Variants in DPP10 observed in about 807,000 individuals in gnomAD.
DPP10 encodes the protein inactive dipeptidyl peptidase 10.
Under a neutral mutation model 120.9 loss-of-function variants are expected in DPP10, and 33 were observed. The observed-to-expected ratio is 0.27, with a 90% CI of 0.21 to 0.37. The LOEUF is 0.37. DPP10 is among the 10% of genes least tolerant of loss of function. The pLI, the probability that DPP10 is intolerant of heterozygous loss-of-function variation, is 1.00. For synonymous variants in DPP10, 337 were observed against 326.1 expected, an observed-to-expected ratio of 1.03 and a Z score of -0.36; for missense variants, 816 against 942.8, an observed-to-expected ratio of 0.87 and a Z score of 1.76.
At chr2:115,754,381 T>C (rs1679134648) in intron 11 of DPP10, among the ~76,000 whole-genome samples, 1 of 152,126 alleles carries the variant, frequency 6.6e-6, no homozygotes, top group Admixed American at 6.6e-5. Context: ...AAACAACTAC[T>C]AAAAATTTTT....
chr2:115,533,038 T>G (rs2078568371), intron 5 of DPP10, among the ~76,000 whole-genome samples: 1 of 152,026 alleles, frequency 6.6e-6, no homozygotes, highest in African/African-American at 2.4e-5. Flanking sequence ...TTTTTAAAAT[T>G]TTTAAACAAA....
At chr2:114,981,746 A>G (rs781433313) in intron 1 of DPP10, among the ~76,000 whole-genome samples, 1 of 151,072 alleles carries the variant, frequency 6.6e-6, no homozygotes, top group Non-Finnish European at 1.5e-5. Flanking sequence ...ATGCCCAGCT[A>G]GTTATTTTTG....
chr2:115,619,198 C>T (rs1023319283), intron 5 of DPP10, among the ~76,000 whole-genome samples: 1 of 149,232 alleles, frequency 6.7e-6, no homozygotes, highest in African/African-American at 2.5e-5. Context: ...CTGCCTCAGC[C>T]TCCCCAGTAG....
chr2:114,561,110 G>A (rs1038383928), intron 1 of DPP10, among the ~76,000 whole-genome samples: 1 of 152,076 alleles, frequency 6.6e-6, no homozygotes, highest in Non-Finnish European at 1.5e-5. Context: ...CGCTCCTTTA[G>A]TTTGGAATAT....
chr2:114,567,827 A>G (rs1300514696), intron 1 of DPP10, among the ~76,000 whole-genome samples: 1 of 152,124 alleles, frequency 6.6e-6, no homozygotes, highest in African/African-American at 2.4e-5. Flanking sequence ...TCACGGACAC[A>G]GGAACGGGAA....
intron 1 of DPP10, among the ~76,000 whole-genome samples, chr2:114,979,656 AC>A (rs1480784499): frequency 6.6e-6 from 1 of 152,088 alleles, no homozygotes; most frequent in Non-Finnish European, 1.5e-5. Flanking sequence ...AAAGCAAATC[AC>A]CAAGTGAGAT....
At chr2:115,302,853 C>T (rs1484829992) in intron 1 of DPP10, among the ~76,000 whole-genome samples, 2 of 151,996 alleles carry the variant, frequency 1.3e-5, no homozygotes, top group African/African-American at 4.8e-5. Flanking sequence ...GCATAGAGTC[C>T]TCTAATCATA....
At chr2:114,615,715 A>G (rs1420889019) in intron 1 of DPP10, among the ~76,000 whole-genome samples, 2 of 152,160 alleles carry the variant, frequency 1.3e-5, no homozygotes, top group African/African-American at 2.4e-5. Flanking sequence ...TTCCATCTGG[A>G]AAACAAAGAT....
At chr2:114,935,855 A>C (rs905246274) in intron 1 of DPP10, among the ~76,000 whole-genome samples, 1 of 145,400 alleles carries the variant, frequency 6.9e-6, no homozygotes, top group Non-Finnish European at 1.5e-5. Context: ...TAAACTAAAA[A>C]ACTGAAGGTT....
At chr2:115,641,011 C>A (rs1468389719) in intron 5 of DPP10, among the ~76,000 whole-genome samples, 1 of 152,036 alleles carries the variant, frequency 6.6e-6, no homozygotes, top group Non-Finnish European at 1.5e-5. Context: ...TGGAAAATAG[C>A]TTTGAAAATA....
chr2:115,071,680 A>T (rs1266393513), intron 1 of DPP10, among the ~76,000 whole-genome samples: 11 of 100,476 alleles, frequency 1.1e-4, no homozygotes, highest in South Asian at 2.5e-4. Context: ...ATATTTATTT[A>T]AAAAAAAAAA....
At chr2:115,241,064 T>A (rs1256463764) in intron 1 of DPP10, among the ~76,000 whole-genome samples, 1 of 151,952 alleles carries the variant, frequency 6.6e-6, no homozygotes, top group East Asian at 1.9e-4. Flanking sequence ...AGGTCAGGAG[T>A]TCGAGACCAG....
At chr2:115,517,672 A>G (rs1409363884) in intron 4 of DPP10, among the ~76,000 whole-genome samples, 2 of 152,208 alleles carry the variant, frequency 1.3e-5, no homozygotes, top group African/African-American at 4.8e-5. Flanking sequence ...ATTGGGAATT[A>G]AATTTGTAAT....
At chr2:115,502,770 G>A (rs1057472624) in intron 4 of DPP10, among the ~76,000 whole-genome samples, 1 of 152,096 alleles carries the variant, frequency 6.6e-6, no homozygotes, top group African/African-American at 2.4e-5. Context: ...ATAGCTCACT[G>A]CAGTCTTTAA....
chr2:114,483,297 T>G (rs1331222409), intron 1 of DPP10, among the ~76,000 whole-genome samples: 6 of 152,078 alleles, frequency 3.9e-5, no homozygotes, highest in Non-Finnish European at 8.8e-5. Flanking sequence ...TGAGTTTGTT[T>G]CTGTGAAAAA....
intron 5 of DPP10, among the ~76,000 whole-genome samples, chr2:115,637,818 A>G (rs1167638890): frequency 1.3e-5 from 2 of 152,160 alleles, no homozygotes; most frequent in Non-Finnish European, 2.9e-5. Context: ...CAGTCAAACT[A>G]AACTTGTGTG....
At chr2:114,912,277 C>T (rs1265896809) in intron 1 of DPP10, among the ~76,000 whole-genome samples, 2 of 152,132 alleles carry the variant, frequency 1.3e-5, no homozygotes, top group Admixed American at 1.3e-4. Context: ...AACTTTCCCT[C>T]TACTATATAA....
intron 3 of DPP10, among the ~76,000 whole-genome samples, chr2:115,449,575 A>C (rs1574880280): frequency 6.6e-6 from 1 of 152,116 alleles, no homozygotes; most frequent in African/African-American, 2.4e-5. Context: ...CATGATGAGC[A>C]TCAGATTTAG....
intron 1 of DPP10, chr2:115,162,094 CTCCCGCTTCCCAGGCTGG>C: frequency 6.7e-7 from 1 of 1,500,620 alleles, no homozygotes; most frequent in Non-Finnish European, 8.9e-7. Context: ...CTCCGCCCGC[CTCCCGCTTCCCAGGCTGG>C]GCTCCCGCGC....
Sources: gnomAD v4.1 joint callset for allele counts (sites outside exome capture counted in the v4.1 genomes callset) on GRCh38, gnomAD v4.1.1 for gene constraint, MANE v1.5 for transcripts, NCBI Gene and HGNC (gene_info 2026-07-23, HGNC 2026-07-21) for gene names.